Variants in TNFSF11 observed in about 807,000 individuals in gnomAD.
The protein encoded by TNFSF11 is TNF superfamily member 11, also known as tumor necrosis factor ligand superfamily member 11.
In TNFSF11, 12 loss-of-function variants were observed where a neutral mutation model predicts 32.2. The observed-to-expected ratio is 0.37, with a 90% CI of 0.24 to 0.60. TNFSF11 has a LOEUF of 0.60. Ranked by LOEUF, TNFSF11 falls within the 20% of genes least tolerant of loss-of-function variation. The pLI, the probability that TNFSF11 is intolerant of heterozygous loss-of-function variation, is 0.66. For missense variants in TNFSF11, 345 were observed against 398.0 expected, an observed-to-expected ratio of 0.87 and a Z score of 1.13; for synonymous variants, 172 against 152.1, an observed-to-expected ratio of 1.13 and a Z score of -0.96.
chr13:42,589,866 CTT>C (rs776814890), intron 2 of TNFSF11, among the ~76,000 whole-genome samples: 146 of 152,322 alleles, frequency 9.6e-4, no homozygotes, highest in Non-Finnish European at 7.8e-4. Flanking sequence ...AATGATGAGT[CTT>C]TGTGCATAGT....
rs1188642560 is a variant in TNFSF11 at position 42,574,299 on chromosome 13, G to A, written c.-5G>A. The A allele has an allele frequency of 1.5e-5, 23 of 1,545,690 alleles. No individual in the cohort carries two copies. The highest frequency in any genetic ancestry group is 3.9e-5 in the Admixed American group (2 of 50,928). ...GAGAGCTCCGAAGCGAGAGGGCCGA[G>A]CGCCATGCGCCGCGCCAGCAGAGAC... is the stretch of plus-strand genomic sequence containing the variant. On this transcript the variant is annotated 5_prime_UTR_variant, in exon 1 of 5. Transcript: ENST00000398795.
intron 4 of TNFSF11, among the ~76,000 whole-genome samples, chr13:42,604,939 G>A (rs9566996): frequency 0.014 from 2,102 of 152,074 alleles, 16 homozygotes; most frequent in South Asian, 0.046. Context: ...GCCTGCCACC[G>A]CGCCCAGCTA....
chr13:42,599,377 T>TATCTATCTATCTATC (rs1869033569), intron 2 of TNFSF11, among the ~76,000 whole-genome samples: 2 of 151,812 alleles, frequency 1.3e-5, no homozygotes, highest in African/African-American at 4.8e-5. Flanking sequence ...TCTATCTATC[T>TATCTATCTATCTATC]ATCTATCTGT....
intron 2 of TNFSF11, among the ~76,000 whole-genome samples, chr13:42,568,579 G>A (rs1424669826): frequency 6.6e-6 from 1 of 152,208 alleles, no homozygotes; most frequent in Non-Finnish European, 1.5e-5. Flanking sequence ...TAATGGGTAA[G>A]CTGGATTAGA....
At chr13:42,565,181 T>C (rs988248009) in intron 1 of TNFSF11, among the ~76,000 whole-genome samples, 1 of 151,848 alleles carries the variant, frequency 6.6e-6, no homozygotes, top group African/African-American at 2.4e-5. Flanking sequence ...TTTAGATTTT[T>C]TTCATTATCA....
At chr13:42,598,765 A>C (rs1868962449) in intron 2 of TNFSF11, among the ~76,000 whole-genome samples, 1 of 152,204 alleles carries the variant, frequency 6.6e-6, no homozygotes, top group African/African-American at 2.4e-5. Flanking sequence ...TTAATAATGA[A>C]ATTTTCCTAT....
intron 4 of TNFSF11, 54 bp downstream of exon 4, chr13:42,601,035 C>A: frequency 1.3e-6 from 2 of 1,590,560 alleles, no homozygotes; most frequent in South Asian, 1.1e-5. Context: ...ATTTATCAGC[C>A]CATTTCAATA....
At chr13:42,573,017 A>G (rs150382399), upstream of TNFSF11, among the ~76,000 whole-genome samples, 1 of 152,250 alleles carries the variant, frequency 6.6e-6, no homozygotes, top group Non-Finnish European at 1.5e-5. Context: ...TTTAACCTAC[A>G]CACATCCTCT....
chr13:42,598,565 AC>A (rs761096059), intron 2 of TNFSF11, among the ~76,000 whole-genome samples: 1 of 152,040 alleles, frequency 6.6e-6, no homozygotes, highest in Non-Finnish European at 1.5e-5. Context: ...TACATGTCAG[AC>A]CCCTCCACAC....
chr13:42,583,444 G>GAAAAAAAAAATA, intron 2 of TNFSF11, among the ~76,000 whole-genome samples: 1 of 95,634 alleles, frequency 1.0e-5, no homozygotes, highest in Non-Finnish European at 1.9e-5. Flanking sequence ...AAAAAGAAAG[G>GAAAAAAAAAATA]AAGAAAGGAA....
intron 2 of TNFSF11, among the ~76,000 whole-genome samples, chr13:42,595,101 C>G (rs1868729785): frequency 6.6e-6 from 1 of 152,104 alleles, no homozygotes; most frequent in Non-Finnish European, 1.5e-5. Flanking sequence ...TGTTTTTAGA[C>G]GTTGGGGTTT....
chr13:42,592,475 G>A (rs534710637), intron 2 of TNFSF11, among the ~76,000 whole-genome samples: 1 of 152,340 alleles, frequency 6.6e-6, no homozygotes, highest in African/African-American at 2.4e-5. Flanking sequence ...AGAGGGTCGT[G>A]GAGCCTCCTT....
chr13:42,564,474 G>A (rs529376434), intron 1 of TNFSF11, among the ~76,000 whole-genome samples: 8 of 152,174 alleles, frequency 5.3e-5, no homozygotes, highest in Non-Finnish European at 1.2e-4. Context: ...GGCTGAGGCA[G>A]GAGAATTGCT....
chr13:42,575,251 C>G (rs1873254452), intron 1 of TNFSF11, among the ~76,000 whole-genome samples: 1 of 152,230 alleles, frequency 6.6e-6, no homozygotes, highest in Non-Finnish European at 1.5e-5. Flanking sequence ...TTACTACAGT[C>G]TAGCAAATAA....
Position 42,606,600 on chromosome 13 carries a change from C to A in TNFSF11, c.636C>A (p.Gly212=). ...SNGKLIVNQD[G]FYYLYANICF... ...GAAAACTAATAGTTAATCAGGATGGCTTTTATTACCTGTATGCCAACATTT... is the reference window on the plus strand; with the variant it reads ...GAAAACTAATAGTTAATCAGGATGGATTTTATTACCTGTATGCCAACATTT... The change falls in exon 5 of 5, where the codon GGC becomes GGA. Residue 212 remains glycine, a synonymous_variant. Transcript: ENST00000398795. 6.2e-7 allele frequency: 1 copy of A among 1,614,170 alleles called. No individual in the cohort carries two copies. The highest frequency in any genetic ancestry group is 8.5e-7 in the Non-Finnish European group (1 of 1,180,024).
intron 2 of TNFSF11, among the ~76,000 whole-genome samples, chr13:42,590,866 C>T (rs1868425075): frequency 6.6e-6 from 1 of 152,188 alleles, no homozygotes. Context: ...TCCCAGCATA[C>T]CCATCGCACT....
At chr13:42,583,431 A>AAG (rs2137872389) in intron 2 of TNFSF11, among the ~76,000 whole-genome samples, 2 of 91,478 alleles carry the variant, frequency 2.2e-5, no homozygotes, top group African/African-American at 7.4e-5. Context: ...AAAAAAAAAA[A>AAG]AAAAAAAGAA....
At chr13:42,570,892 G>A (rs1416758988), upstream of TNFSF11, among the ~76,000 whole-genome samples, 1 of 152,056 alleles carries the variant, frequency 6.6e-6, no homozygotes, top group African/African-American at 2.4e-5. Context: ...TCCCCACATA[G>A]GTCTAGACCC....
intron 4 of TNFSF11, among the ~76,000 whole-genome samples, chr13:42,603,747 C>T (rs1216644819): frequency 6.6e-6 from 1 of 152,166 alleles, no homozygotes; most frequent in East Asian, 1.9e-4. Flanking sequence ...ATGCAACATG[C>T]AGAAGTGAAA....
Sources: gnomAD v4.1 joint callset for allele counts (sites outside exome capture counted in the v4.1 genomes callset) on GRCh38, gnomAD v4.1.1 for gene constraint, MANE v1.5 for transcripts, NCBI Gene and HGNC (gene_info 2026-07-23, HGNC 2026-07-21) for gene names.